Variants in CRACR2A observed in about 807,000 individuals in gnomAD.
CRACR2A encodes EF-hand calcium-binding domain-containing protein 4B.
Under a neutral mutation model 90.5 loss-of-function variants are expected in CRACR2A, and 79 were observed. The observed-to-expected ratio is 0.87, with a 90% CI of 0.73 to 1.05. CRACR2A has a LOEUF of 1.05. Among genes scored for constraint, CRACR2A ranks in the 50% least tolerant of loss-of-function variants. The pLI is 0.00. For missense variants in CRACR2A, 823 were observed against 897.2 expected (o/e 0.92, Z 1.06); for synonymous variants, 338 against 356.7 (o/e 0.95, Z 0.59).
chr12:3,674,253 G>T (rs1945303250), intron 6 of CRACR2A, among the ~76,000 whole-genome samples: 1 of 152,176 alleles, frequency 6.6e-6, no homozygotes, highest in Non-Finnish European at 1.5e-5. Flanking sequence ...TGACTGACAG[G>T]CAAAAAGAAG....
intron 4 of CRACR2A, among the ~76,000 whole-genome samples, chr12:3,680,823 A>G (rs1026094976): frequency 6.6e-6 from 1 of 152,234 alleles, no homozygotes; most frequent in African/African-American, 2.4e-5. Flanking sequence ...AAATACTTTC[A>G]GGATAATACT....
chr12:3,618,275 C>A (rs537526905), intron 18 of CRACR2A, among the ~76,000 whole-genome samples: 2 of 151,896 alleles, frequency 1.3e-5, no homozygotes, highest in South Asian at 2.1e-4. Context: ...CATGTATATA[C>A]CATATATTAT....
rs879282952 is a variant in CRACR2A at position 3,711,227 on chromosome 12, C to T, written c.-37+2010G>A. On this transcript the variant is annotated intron_variant, in intron 3 of 19. Coordinates refer to ENST00000440314, the MANE Select transcript of CRACR2A (RefSeq NM_001144958.2). The surrounding 1 kb of genome is among the most constrained non-coding windows in gnomAD (Gnocchi z 4.3). ...CAAAAACAATGATGGGACAGGGGCA[C>T]GACAGATGTTCCATCTCTAAAGGGA... Among the ~76,000 whole-genome samples, 47 of 152,184 alleles carry T rather than the reference C, an allele frequency of 3.1e-4. 1 individual carries two copies. The highest frequency in any genetic ancestry group is 5.6e-4 in the African/African-American group (23 of 41,436).
intron 9 of CRACR2A, among the ~76,000 whole-genome samples, chr12:3,655,985 C>A (rs1206702125): frequency 6.6e-6 from 1 of 152,192 alleles, no homozygotes; most frequent in Non-Finnish European, 1.5e-5. Flanking sequence ...TCAGCATTCC[C>A]CTCTTTTCTT....
intron 6 of CRACR2A, among the ~76,000 whole-genome samples, chr12:3,678,124 G>A (rs758768620): frequency 6.6e-6 from 1 of 152,140 alleles, no homozygotes; most frequent in Non-Finnish European, 1.5e-5. Flanking sequence ...AAAGGCAAAG[G>A]CTAAAGGGGC....
intron 1 of CRACR2A, among the ~76,000 whole-genome samples, chr12:3,738,049 A>T (rs559411464): frequency 6.6e-6 from 1 of 152,062 alleles, no homozygotes; most frequent in Non-Finnish European, 1.5e-5. Flanking sequence ...CACCCTATGC[A>T]CTCTTTAGGG....
intron 19 of CRACR2A, among the ~76,000 whole-genome samples, chr12:3,615,748 C>T (rs1387295637): frequency 1.3e-5 from 2 of 152,220 alleles, no homozygotes; most frequent in Admixed American, 6.5e-5. Flanking sequence ...GTCATGACCC[C>T]ATCACCCAGT....
At chr12:3,669,297 TCAAG>T in intron 7 of CRACR2A, among the ~76,000 whole-genome samples, 1 of 152,326 alleles carries the variant, frequency 6.6e-6, no homozygotes, top group Non-Finnish European at 1.5e-5. Context: ...CCTGGAGAGC[TCAAG>T]CTTTTGTTCC....
chr12:3,622,023 G>A (rs979628134), intron 17 of CRACR2A, among the ~76,000 whole-genome samples: 3 of 152,112 alleles, frequency 2.0e-5, no homozygotes, highest in African/African-American at 7.2e-5. Context: ...GGTGTCTCAT[G>A]GTCCTCTCTG....
In CRACR2A at chr12:3,630,130, C is replaced by T. The variant is rs115763982; in HGVS notation, c.1736-2424G>A. ...AGACGGCAGTGAGATGGAGGTATGA[C>T]GGGATGAAGGGGCTAAGTTGGATGC... is the stretch of plus-strand genomic sequence containing the variant. On this transcript the variant is annotated intron_variant, in intron 15 of 19. Coordinates refer to ENST00000440314, the MANE Select transcript of CRACR2A (RefSeq NM_001144958.2). Among the ~76,000 whole-genome samples the T allele has an allele frequency of 2.3e-3, 352 of 152,178 alleles. 3 individuals are homozygous for T. The highest frequency in any genetic ancestry group is 8.1e-3 in the African/African-American group (335 of 41,522).
chr12:3,706,994 C>A (rs1945935535), intron 3 of CRACR2A, among the ~76,000 whole-genome samples: 1 of 152,076 alleles, frequency 6.6e-6, no homozygotes, highest in Non-Finnish European at 1.5e-5. Flanking sequence ...GAACGAAAAA[C>A]AAAACAAAAC....
chr12:3,706,025 C>T (rs1169065341), intron 3 of CRACR2A, among the ~76,000 whole-genome samples: 1 of 152,072 alleles, frequency 6.6e-6, no homozygotes, highest in African/African-American at 2.4e-5. Context: ...AATCAGCATC[C>T]CTAGCACTGT....
At chr12:3,736,864 C>A (rs1041210578) in intron 1 of CRACR2A, among the ~76,000 whole-genome samples, 1 of 152,124 alleles carries the variant, frequency 6.6e-6, no homozygotes, top group African/African-American at 2.4e-5. Context: ...AATGAGGAGG[C>A]CACCGGTGAA....
intron 2 of CRACR2A, among the ~76,000 whole-genome samples, chr12:3,719,169 C>T (rs574488025): frequency 2.9e-4 from 44 of 152,296 alleles, no homozygotes; most frequent in Middle Eastern, 3.4e-3. Context: ...TGGATTCCAA[C>T]CAAGCACATC....
chr12:3,644,447 T>C (rs80181043), intron 12 of CRACR2A, 148 bp downstream of exon 12: 2 of 815,144 alleles, frequency 2.5e-6, no homozygotes, highest in Non-Finnish European at 4.1e-6. Flanking sequence ...CCTGAATTTT[T>C]ATTATTTGCA....
intron 7 of CRACR2A, among the ~76,000 whole-genome samples, chr12:3,668,353 A>G (rs979580741): frequency 1.3e-5 from 2 of 152,192 alleles, no homozygotes; most frequent in East Asian, 1.9e-4. Context: ...CTGTATCAGA[A>G]CCGCCTGGGA....
chr12:3,710,852 T>G (rs1945998309), intron 3 of CRACR2A, among the ~76,000 whole-genome samples: 1 of 152,016 alleles, frequency 6.6e-6, no homozygotes, highest in Non-Finnish European at 1.5e-5. Context: ...GGTCCTCTTT[T>G]ATTAGGGCAC....
chr12:3,670,100 T>C lies in CRACR2A; in HGVS notation c.671+3346A>G, dbSNP rs1192447185. 9.2e-5 allele frequency among the ~76,000 whole-genome samples: 14 copies of C among 152,192 alleles called. No homozygotes were observed. In the East Asian group the frequency reaches 2.5e-3, roughly 27 times the overall value. ...GAACTCCTCAAGGAGAGGGACTCTA[T>C]GTTCCCTTTGCTTAACTCAGAGCCT... On this transcript the variant is annotated intron_variant, in intron 7 of 19. Coordinates refer to ENST00000440314, the MANE Select transcript of CRACR2A (RefSeq NM_001144958.2).
intron 15 of CRACR2A, among the ~76,000 whole-genome samples, chr12:3,629,794 A>C (rs1254802840): frequency 7.0e-6 from 1 of 143,086 alleles, no homozygotes; most frequent in Non-Finnish European, 1.5e-5. Context: ...CAGGCCGAGG[A>C]AGCAGATAAA....
Sources: allele counts gnomAD v4.1 joint callset (sites outside exome capture counted in the v4.1 genomes callset), GRCh38; gene constraint gnomAD v4.1.1; non-coding constraint Gnocchi (gnomAD v3.1); transcripts MANE v1.5; gene names NCBI Gene and HGNC (gene_info 2026-07-23, HGNC 2026-07-21).